The following GPHN variants were observed in gnomAD, a reference collection of about 807,000 sequenced individuals.
GPHN encodes gephyrin.
GPHN carries 17 observed loss-of-function variants against 95.5 expected under a neutral mutation model. The ratio of observed to expected loss-of-function variants is 0.18; its 90% CI spans 0.12 to 0.27. GPHN has a LOEUF of 0.27. Ranked by LOEUF, GPHN falls within the 10% of genes least tolerant of loss-of-function variation. The probability of loss-of-function intolerance (pLI) is 1.00; values close to 1 mark genes in which losing one functional copy is unlikely to be tolerated. For missense variants in GPHN, 660 were observed against 978.1 expected, an observed-to-expected ratio of 0.67 and a Z score of 4.34; for synonymous variants, 320 against 322.5, an observed-to-expected ratio of 0.99 and a Z score of 0.08.
chr14:66,627,999 A>G (rs8010897), intron 1 of GPHN, among the ~76,000 whole-genome samples: 47,735 of 151,900 alleles, frequency 0.31, 11,517 homozygotes, highest in African/African-American at 0.65. Flanking sequence ...GAATGTTTTT[A>G]TTGTCTTTTT....
the GPHN span, among the ~76,000 whole-genome samples, chr14:67,521,512 G>A: frequency 6.6e-6 from 1 of 152,160 alleles, no homozygotes; most frequent in Non-Finnish European, 1.5e-5. Flanking sequence ...TTAAAATAAA[G>A]TGTCTTGCTA....
the GPHN span, chr14:67,412,010 G>C: frequency 1.3e-6 from 2 of 1,547,890 alleles, no homozygotes; most frequent in East Asian, 2.6e-5. Flanking sequence ...AGCTCGACGC[G>C]CACTCACCCT....
the GPHN span, chr14:67,382,606 T>G: frequency 1.9e-6 from 3 of 1,613,640 alleles, no homozygotes; most frequent in South Asian, 3.3e-5. Flanking sequence ...ATCAATAGAT[T>G]CATTTTTAAT....
At chr14:66,566,645 C>T (rs1481837503) in intron 1 of GPHN, among the ~76,000 whole-genome samples, 2 of 152,168 alleles carry the variant, frequency 1.3e-5, no homozygotes, top group South Asian at 2.1e-4. Flanking sequence ...TTATACCTAG[C>T]ACTGGGAGGT....
rs1567457809 is a variant in GPHN, at chr14:67,179,572, C to T, written c.2080-6C>T. ...AGTTTGTTTTCTTTTCTACTTTATT[C>T]TGTAGTTATCATGTGATGTAAAACT... On this transcript the variant is annotated splice_region_variant and splice_polypyrimidine_tract_variant and intron_variant, in intron 21 of 22. Coordinates refer to ENST00000478722, the MANE Select transcript of GPHN (RefSeq NM_020806.5). 1 of 1,529,294 alleles carries T rather than the reference C, an allele frequency of 6.5e-7. No individual in the cohort carries two copies. The highest frequency in any genetic ancestry group is 1.7e-4 in the Middle Eastern group (1 of 5,904). 94.7% of individuals were successfully genotyped at this position (1,529,294 alleles called of 1,614,324 possible).
At chr14:67,729,336 CGCCCT>C in the GPHN span, 288 of 1,599,118 alleles carry the variant, frequency 1.8e-4, no homozygotes, top group Non-Finnish European at 2.3e-4. Flanking sequence ...GCCTGCACTG[CGCCCT>C]GGCTGAGGGC....
the GPHN span, among the ~76,000 whole-genome samples, chr14:67,248,759 C>G: frequency 2.0e-5 from 3 of 152,100 alleles, no homozygotes; most frequent in African/African-American, 7.2e-5. Context: ...TCCAATAAAA[C>G]TTTACTTATA....
At chr14:67,497,609 C>T in the GPHN span, among the ~76,000 whole-genome samples, 2 of 152,188 alleles carry the variant, frequency 1.3e-5, no homozygotes, top group Non-Finnish European at 2.9e-5. Flanking sequence ...TATCAAGATC[C>T]TAACTCCCTT....
the GPHN span, among the ~76,000 whole-genome samples, chr14:67,421,358 C>T: frequency 6.6e-6 from 1 of 152,072 alleles, no homozygotes; most frequent in Non-Finnish European, 1.5e-5. Context: ...CCTTGAACAT[C>T]GGGATTGTCA....
chr14:67,225,694 C>T, the GPHN span, among the ~76,000 whole-genome samples: 9 of 152,146 alleles, frequency 5.9e-5, no homozygotes, highest in Non-Finnish European at 1.3e-4. Flanking sequence ...AGCTTGTACA[C>T]ACCATACACA....
At chr14:67,455,512 A>T in the GPHN span, among the ~76,000 whole-genome samples, 4 of 152,236 alleles carry the variant, frequency 2.6e-5, no homozygotes, top group Non-Finnish European at 5.9e-5. Flanking sequence ...TGTAGTTCTG[A>T]CATACACATC....
At chr14:66,828,468 A>T (rs1181970616) in intron 4 of GPHN, among the ~76,000 whole-genome samples, 1 of 152,156 alleles carries the variant, frequency 6.6e-6, no homozygotes, top group Non-Finnish European at 1.5e-5. Flanking sequence ...TATTATATAC[A>T]TCAGGATTGC....
the GPHN span, chr14:67,334,851 T>G: frequency 6.6e-6 from 1 of 152,248 alleles, no homozygotes; most frequent in Non-Finnish European, 1.5e-5. Context: ...GTCTCAGGAA[T>G]GAAGTGTAGT....
At chr14:67,043,106 C>A (rs1272726398) in intron 10 of GPHN, among the ~76,000 whole-genome samples, 2 of 151,862 alleles carry the variant, frequency 1.3e-5, no homozygotes, top group Non-Finnish European at 2.9e-5. Flanking sequence ...GCTGAAGTTG[C>A]TTATCAGCTT....
At chr14:66,767,325 C>T (rs1038701903) in intron 2 of GPHN, among the ~76,000 whole-genome samples, 1 of 151,604 alleles carries the variant, frequency 6.6e-6, no homozygotes, top group Non-Finnish European at 1.5e-5. Context: ...TTGCTAGTCA[C>T]TAGCCCTGTA....
chr14:67,194,886 G>C, the GPHN span, among the ~76,000 whole-genome samples: 240 of 152,270 alleles, frequency 1.6e-3, no homozygotes, highest in African/African-American at 5.5e-3. Context: ...TTGAACTCCT[G>C]ACCTAAGGTG....
chr14:66,732,346 C>T (rs1359747083), intron 2 of GPHN, among the ~76,000 whole-genome samples: 5 of 152,206 alleles, frequency 3.3e-5, no homozygotes, highest in African/African-American at 1.2e-4. Context: ...CATCAGCGTA[C>T]CCTGGATATG....
At position 66,830,647 on chromosome 14, in the gene GPHN, G is replaced by T. The variant is rs988229838; in HGVS notation, c.294+6081G>T. 7.2e-5 allele frequency among the ~76,000 whole-genome samples: 11 copies of T among 152,148 alleles called. 1 individual carries two copies. The highest frequency in any genetic ancestry group is 2.1e-4 in the South Asian group (1 of 4,826). Reference sequence around the variant, plus strand: ...TTCTTATAACTGTTTCATTATGGAAGTGAAGAGGCATCAGACAAAATGACC... The same window carrying T: ...TTCTTATAACTGTTTCATTATGGAATTGAAGAGGCATCAGACAAAATGACC... On this transcript the variant is annotated intron_variant, in intron 4 of 22. Coordinates refer to ENST00000478722, the MANE Select transcript of GPHN (RefSeq NM_020806.5).
At chr14:66,780,437 G>GA (rs772909243) in intron 3 of GPHN, among the ~76,000 whole-genome samples, 2 of 151,942 alleles carry the variant, frequency 1.3e-5, no homozygotes, top group Non-Finnish European at 2.9e-5. Flanking sequence ...TAAAGGCAGA[G>GA]TATTAATATA....
Sources: gnomAD v4.1 joint callset for allele counts (sites outside exome capture counted in the v4.1 genomes callset) on GRCh38, gnomAD v4.1.1 for gene constraint, MANE v1.5 for transcripts, NCBI Gene and HGNC (gene_info 2026-07-23, HGNC 2026-07-21) for gene names.